NAV2: variants seen among roughly 807,000 people sequenced by gnomAD.
The protein encoded by NAV2 is helicase, APC down-regulated 1.
In NAV2, 54 loss-of-function variants were observed where a neutral mutation model predicts 223.2. That is an observed-to-expected ratio of 0.24 (90% CI 0.19 to 0.30). The LOEUF is 0.30. NAV2 is among the 10% of genes least tolerant of loss of function. The pLI is 1.00. For missense variants in NAV2, 2,806 were observed against 3,147.5 expected (o/e 0.89, Z 2.60); for synonymous variants, 1,279 against 1,239.3 (o/e 1.03, Z -0.67).
At chr11:19,939,470 G>A (rs544830877) in intron 7 of NAV2, among the ~76,000 whole-genome samples, 191 bp from the exon 8 acceptor site, 40 of 152,280 alleles carry the variant, frequency 2.6e-4, no homozygotes, top group African/African-American at 7.2e-4. Context: ...ACAGTTCAGC[G>A]GCTCTCTCTG....
intron 1 of NAV2, among the ~76,000 whole-genome samples, chr11:19,414,750 AG>A (rs1850293169): frequency 6.6e-6 from 1 of 152,254 alleles, no homozygotes; most frequent in African/African-American, 2.4e-5. Flanking sequence ...ACAGTCTCTC[AG>A]ATGACAGTGC....
chr11:19,347,717 A>G (rs1853082605), upstream of NAV2, among the ~76,000 whole-genome samples: 1 of 152,086 alleles, frequency 6.6e-6, no homozygotes, highest in Non-Finnish European at 1.5e-5. Context: ...CTGCTGATCC[A>G]TTGCTGCATT....
intron 1 of NAV2, among the ~76,000 whole-genome samples, chr11:19,682,394 G>C (rs2048904722): frequency 6.6e-6 from 1 of 152,218 alleles, no homozygotes; most frequent in Non-Finnish European, 1.5e-5. Flanking sequence ...TGCCCAGAAA[G>C]GAAATGTGTA....
chr11:19,837,508 T>G (rs369724875), intron 2 of NAV2, among the ~76,000 whole-genome samples: 7 of 152,196 alleles, frequency 4.6e-5, no homozygotes, highest in African/African-American at 1.2e-4. Context: ...CATGACTAGG[T>G]GATCAAAATT....
chr11:20,114,731 C>G lies in NAV2; in HGVS notation c.7100C>G (p.Ser2367Cys), dbSNP rs1294299235. 5.6e-6 allele frequency: 9 copies of G among 1,614,114 alleles called. No homozygotes were observed. The highest frequency in any genetic ancestry group is 7.6e-6 in the Non-Finnish European group (9 of 1,180,034). The change falls in exon 37 of 38, where the codon TCC becomes TGC. Residue 2367 changes from serine to cysteine, a missense_variant. Ser to Cys is a moderately radical substitution (Grantham distance 112, BLOSUM62 -1). Transcript: ENST00000349880. ...GAGGATGTCGGCTTCGACGGCTACT[C>G]CATGCCTCGGGAGGGATCGACAAGC... ...RPEDVGFDGY[S>C]MPREGSTSKQ...
chr11:19,520,788 G>C (rs2043626904), intron 1 of NAV2, among the ~76,000 whole-genome samples: 1 of 152,200 alleles, frequency 6.6e-6, no homozygotes, highest in South Asian at 2.1e-4. Context: ...GGTACCTCTG[G>C]GTACCAGGTG....
chr11:19,581,775 T>A (rs940830826), intron 1 of NAV2, among the ~76,000 whole-genome samples: 2 of 152,246 alleles, frequency 1.3e-5, no homozygotes, highest in African/African-American at 4.8e-5. Flanking sequence ...TCGTTGGACA[T>A]TTGGGTTGGT....
intron 2 of NAV2, among the ~76,000 whole-genome samples, chr11:19,837,096 C>T (rs2060277274): frequency 2.0e-5 from 3 of 152,272 alleles, no homozygotes; most frequent in African/African-American, 7.2e-5. Flanking sequence ...TTTATTAAGT[C>T]CTCCCCTTGG....
At chr11:20,083,985 G>C (rs966331301) in intron 26 of NAV2, among the ~76,000 whole-genome samples, 2 of 152,258 alleles carry the variant, frequency 1.3e-5, no homozygotes, top group Admixed American at 1.3e-4. Context: ...TGGGTAGAGG[G>C]AGTACAGGCA....
chr11:19,623,259 A>C lies in NAV2; in HGVS notation c.76-209225A>C, dbSNP rs57252259. Among the ~76,000 whole-genome samples, 1,298 of 152,184 alleles carry C rather than the reference A, an allele frequency of 8.5e-3. 21 individuals carry two copies. Among genetic ancestry groups the C allele is most frequent in the African/African-American group, 0.028 (1,151 of 41,510 alleles). ...TTATGTGTCTTGGAGTTGCTCTTCT[A>C]GAGGAGTATCTTTGTGGCATTCTCT... On this transcript the variant is annotated intron_variant, in intron 1 of 37. Transcript: ENST00000360655.
intron 1 of NAV2, among the ~76,000 whole-genome samples, chr11:19,720,002 T>C (rs1438972146): frequency 6.6e-6 from 1 of 152,236 alleles, no homozygotes; most frequent in African/African-American, 2.4e-5. Flanking sequence ...AACATTTTCA[T>C]TGACTGGGCT....
At chr11:19,705,753 G>C (rs534417074) in intron 1 of NAV2, among the ~76,000 whole-genome samples, 9 of 152,234 alleles carry the variant, frequency 5.9e-5, no homozygotes, top group African/African-American at 2.2e-4. Flanking sequence ...AGCATAGCAG[G>C]CTTTGTTGCT....
intron 14 of NAV2, among the ~76,000 whole-genome samples, chr11:20,047,139 G>A (rs2057521813): frequency 6.6e-6 from 1 of 152,090 alleles, no homozygotes; most frequent in African/African-American, 2.4e-5. Flanking sequence ...AAATGAAAAT[G>A]TTCTCTGTTT....
chr11:20,027,893 T>C (rs754644462), intron 11 of NAV2, among the ~76,000 whole-genome samples: 1 of 152,234 alleles, frequency 6.6e-6, no homozygotes, highest in Non-Finnish European at 1.5e-5. Flanking sequence ...GTGTATATCC[T>C]AGTGGAAAAA....
At chr11:19,992,786 G>T (rs1346688156) in intron 11 of NAV2, among the ~76,000 whole-genome samples, 1 of 151,856 alleles carries the variant, frequency 6.6e-6, no homozygotes, top group African/African-American at 2.4e-5. Flanking sequence ...TAGAGACAGG[G>T]TTTTGCCATG....
At chr11:19,981,209 A>C (rs1301253325) in intron 10 of NAV2, 1 of 152,260 alleles carries the variant, frequency 6.6e-6, no homozygotes, top group Non-Finnish European at 1.5e-5. Flanking sequence ...AAACAAAGTC[A>C]GAATTCCCAA....
chr11:19,856,993 A>T (rs1233159857), intron 3 of NAV2, among the ~76,000 whole-genome samples: 1 of 152,230 alleles, frequency 6.6e-6, no homozygotes, highest in African/African-American at 2.4e-5. Context: ...CACAAAGCTG[A>T]CTTACACAGG....
intron 1 of NAV2, among the ~76,000 whole-genome samples, chr11:19,728,692 G>A (rs1472016769): frequency 1.3e-5 from 2 of 152,222 alleles, no homozygotes; most frequent in African/African-American, 4.8e-5. Flanking sequence ...TGTGGCAAAT[G>A]CCTGGCATGT....
chr11:19,789,258 A>C (rs2057357725), intron 1 of NAV2, among the ~76,000 whole-genome samples: 1 of 152,224 alleles, frequency 6.6e-6, no homozygotes, highest in African/African-American at 2.4e-5. Flanking sequence ...GTAGATGCCC[A>C]AGAAATCACT....
Sources: gnomAD v4.1 joint callset for allele counts (sites outside exome capture counted in the v4.1 genomes callset) on GRCh38, gnomAD v4.1.1 for gene constraint, MANE v1.5 for transcripts, NCBI Gene and HGNC (gene_info 2026-07-23, HGNC 2026-07-21) for gene names.